The following GRB10 variants were observed in gnomAD, a reference collection of about 807,000 sequenced individuals.
GRB10 encodes growth factor receptor-bound protein 10.
A neutral mutation model predicts 80.9 loss-of-function variants in GRB10; 20 were observed. That is an observed-to-expected ratio of 0.25 (90% CI 0.17 to 0.36). The LOEUF is 0.36. GRB10 is among the 10% of genes least tolerant of loss of function. GRB10 has a pLI of 1.00. For missense variants in GRB10, 548 were observed against 747.7 expected (o/e 0.73, Z 3.12); for synonymous variants, 291 against 291.5 (o/e 1.00, Z 0.02).
At chr7:50,600,437 C>T (rs981104498) in intron 17 of GRB10, among the ~76,000 whole-genome samples, 1 of 152,068 alleles carries the variant, frequency 6.6e-6, no homozygotes, top group South Asian at 2.1e-4. Context: ...TAAAATCAGA[C>T]CCATACTCTA....
At chr7:50,621,511 C>T in intron 8 of GRB10, among the ~76,000 whole-genome samples, 1 of 152,194 alleles carries the variant, frequency 6.6e-6, no homozygotes, top group East Asian at 1.9e-4. Flanking sequence ...TCTCAGAGAT[C>T]CAGAGCTGTG....
chr7:50,716,428 T>C (rs1477446903), intron 4 of GRB10, among the ~76,000 whole-genome samples: 1 of 152,076 alleles, frequency 6.6e-6, no homozygotes, highest in Non-Finnish European at 1.5e-5. Flanking sequence ...AAATTTACAA[T>C]GACTGGGATC....
intron 3 of GRB10, among the ~76,000 whole-genome samples, chr7:50,747,248 C>G (rs1201366561): frequency 1.3e-5 from 2 of 152,154 alleles, no homozygotes; most frequent in Non-Finnish European, 2.9e-5. Context: ...GCCATGAGCC[C>G]AGGCGCGGTA....
chr7:50,672,138 G>T (rs1456210410), intron 6 of GRB10, among the ~76,000 whole-genome samples: 1 of 152,162 alleles, frequency 6.6e-6, no homozygotes, highest in Non-Finnish European at 1.5e-5. Context: ...CCCTTCCCAA[G>T]TGTCTCCTCT....
chr7:50,715,720 C>T (rs1310066359), intron 4 of GRB10, among the ~76,000 whole-genome samples: 1 of 152,208 alleles, frequency 6.6e-6, no homozygotes, highest in African/African-American at 2.4e-5. Context: ...CAAAGCAAAT[C>T]TACTCCTAGA....
chr7:50,593,140 C>T, intron 18 of GRB10, 42 bp from the exon 19 acceptor site: 1 of 1,612,922 alleles, frequency 6.2e-7, no homozygotes, highest in Non-Finnish European at 8.5e-7. Flanking sequence ...GAGGCTGCCA[C>T]CTCAGGGAAC....
intron 2 of GRB10, among the ~76,000 whole-genome samples, chr7:50,776,025 G>C (rs868379511): frequency 1.8e-4 from 27 of 152,196 alleles, no homozygotes; most frequent in African/African-American, 5.5e-4. Flanking sequence ...TGATGGGAGG[G>C]GCAGCACTGA....
At chr7:50,685,241 C>CAAAT (rs2061983214) in intron 5 of GRB10, among the ~76,000 whole-genome samples, 2 of 152,178 alleles carry the variant, frequency 1.3e-5, no homozygotes, top group South Asian at 4.1e-4. Context: ...AAAACAGAGA[C>CAAAT]AAATCCCTGC....
At position 50,755,928 on chromosome 7, in the gene GRB10, C is replaced by T. The variant is rs1241881104; in HGVS notation, c.-88G>A. The T allele has an allele frequency of 5.0e-6, 2 of 398,656 alleles. No homozygotes were observed. The highest frequency in any genetic ancestry group is 2.1e-5 in the African/African-American group (1 of 48,642). 24.7% of individuals were successfully genotyped at this position (398,656 alleles called of 1,614,324 possible). A position where few individuals can be genotyped will look rare whatever the true frequency, so the allele number is the denominator to read the frequency against. ...CTGTAGCACTGTCTGCTGGGGCGGC[C>T]ACCCTGGCTTCACTGAGAGGACCCA... On this transcript the variant is annotated 5_prime_UTR_variant, in exon 3 of 19. Coordinates refer to ENST00000401949, the MANE Select transcript of GRB10 (RefSeq NM_001350814.2).
At chr7:50,624,977 T>C (rs2052617011) in intron 8 of GRB10, among the ~76,000 whole-genome samples, 1 of 152,116 alleles carries the variant, frequency 6.6e-6, no homozygotes, top group South Asian at 2.1e-4. Flanking sequence ...AGTCCATCTA[T>C]AAAGAAGAGA....
intron 3 of GRB10, 94 bp downstream of exon 3, chr7:50,755,793 T>G (rs1329297229): frequency 2.5e-6 from 1 of 398,068 alleles, no homozygotes; most frequent in African/African-American, 2.1e-5. Flanking sequence ...CTACCTACAG[T>G]GACACGCATT....
chr7:50,744,752 A>G (rs915507307), intron 3 of GRB10, among the ~76,000 whole-genome samples: 1 of 152,236 alleles, frequency 6.6e-6, no homozygotes, highest in Non-Finnish European at 1.5e-5. Context: ...GGAGATGATT[A>G]GCATCACATG....
intron 8 of GRB10, among the ~76,000 whole-genome samples, chr7:50,622,684 C>T (rs1347639441): frequency 6.6e-6 from 1 of 152,238 alleles, no homozygotes; most frequent in African/African-American, 2.4e-5. Context: ...GTGCCCCCCA[C>T]ATTCCCAGGG....
intron 3 of GRB10, among the ~76,000 whole-genome samples, chr7:50,754,207 G>A (rs1178422289): frequency 3.3e-5 from 5 of 152,200 alleles, no homozygotes; most frequent in Admixed American, 6.5e-5. Context: ...GAGGCAAGAC[G>A]AGGGACCCAG....
At chr7:50,731,095 A>C (rs1241565651) in intron 4 of GRB10, among the ~76,000 whole-genome samples, 1 of 152,184 alleles carries the variant, frequency 6.6e-6, no homozygotes, top group Non-Finnish European at 1.5e-5. Context: ...AAGAACAAGA[A>C]GACAATTATG....
At chr7:50,672,031 G>C (rs1034150674) in intron 6 of GRB10, among the ~76,000 whole-genome samples, 10 of 152,340 alleles carry the variant, frequency 6.6e-5, no homozygotes, top group South Asian at 2.1e-4. Flanking sequence ...TGTTTGTCTA[G>C]AACACATGCG....
chr7:50,702,738 A>T (rs1180698522), intron 5 of GRB10, among the ~76,000 whole-genome samples: 1 of 152,228 alleles, frequency 6.6e-6, no homozygotes, highest in Admixed American at 6.5e-5. Flanking sequence ...TCTGTGCTGC[A>T]AATGTCCCTT....
intron 8 of GRB10, among the ~76,000 whole-genome samples, chr7:50,623,591 G>A (rs1036114204): frequency 6.6e-6 from 1 of 152,146 alleles, no homozygotes; most frequent in Admixed American, 6.5e-5. Flanking sequence ...TCAGAGGAGC[G>A]ATGCCCTCCA....
intron 3 of GRB10, among the ~76,000 whole-genome samples, chr7:50,754,399 CA>C (rs1345110821): frequency 6.6e-6 from 1 of 152,176 alleles, no homozygotes; most frequent in Non-Finnish European, 1.5e-5. Flanking sequence ...ATCCCAACAG[CA>C]CAGCCCACTT....
Sources: gnomAD v4.1 joint callset for allele counts (sites outside exome capture counted in the v4.1 genomes callset) on GRCh38, gnomAD v4.1.1 for gene constraint, MANE v1.5 for transcripts, NCBI Gene and HGNC (gene_info 2026-07-23, HGNC 2026-07-21) for gene names.